The following FAM153A variants were observed in gnomAD, a reference collection of about 807,000 sequenced individuals.
The protein encoded by FAM153A is family with sequence similarity 153 member A.
FAM153A carries 12 observed loss-of-function variants against 48.1 expected under a neutral mutation model. The ratio of observed to expected loss-of-function variants is 0.25; its 90% confidence interval spans 0.16 to 0.40. The LOEUF (loss-of-function observed/expected upper bound fraction) is 0.40, where lower values mean the gene tolerates loss of function less well. Ranked by LOEUF, FAM153A falls within the 10% of genes least tolerant of loss-of-function variation. The pLI is 1.00. For missense variants in FAM153A, 111 were observed against 345.8 expected, an observed-to-expected ratio of 0.32 and a Z score of 5.38; for synonymous variants, 36 against 118.2, an observed-to-expected ratio of 0.30 and a Z score of 4.51.
downstream of FAM153A, chr5:177,706,941 C>T (rs1475335915): frequency 6.6e-6 from 1 of 151,716 alleles, no homozygotes; most frequent in Non-Finnish European, 1.5e-5. Context: ...CAAAAAAGCA[C>T]AAAAATAGAA....
chr5:177,755,979 A>T (rs534447638), upstream of FAM153A, among the ~76,000 whole-genome samples: 89 of 150,974 alleles, frequency 5.9e-4, 1 homozygote, highest in African/African-American at 2.1e-3. Flanking sequence ...AAATTCACAC[A>T]TAACAATATT....
At chr5:177,749,617 A>G (rs1766556169) in intron 2 of FAM153A, among the ~76,000 whole-genome samples, 1 of 94,602 alleles carries the variant, frequency 1.1e-5, no homozygotes, top group Admixed American at 1.1e-4. Flanking sequence ...CAGGAAGCAC[A>G]GCAGCCTTTG....
chr5:177,704,579 CTGTT>C (rs1296919486), downstream of FAM153A, among the ~76,000 whole-genome samples: 2 of 150,370 alleles, frequency 1.3e-5, no homozygotes, highest in Admixed American at 6.6e-5. Context: ...GGCGGTTTCT[CTGTT>C]TGAGGTCGGG....
downstream of FAM153A, among the ~76,000 whole-genome samples, chr5:177,705,663 T>C (rs182186125): frequency 2.9e-3 from 294 of 103,060 alleles, 5 homozygotes; most frequent in African/African-American, 8.2e-3. Flanking sequence ...TTTTTCTTTT[T>C]TTTTTTTTTT....
the FAM153A span, among the ~76,000 whole-genome samples, chr5:177,695,465 ACG>A: frequency 6.6e-6 from 1 of 152,012 alleles, no homozygotes; most frequent in Non-Finnish European, 1.5e-5. Flanking sequence ...ATGACACTTA[ACG>A]AGCATGCTGC....
upstream of FAM153A, among the ~76,000 whole-genome samples, chr5:177,754,094 A>G (rs1046073495): frequency 2.6e-5 from 4 of 151,758 alleles, no homozygotes; most frequent in Admixed American, 2.6e-4. Flanking sequence ...TAGCCAAGGA[A>G]AGGGATGACA....
chr5:177,772,241 A>T lies in FAM153A; in HGVS notation c.-57+8208T>A, dbSNP rs1245160363. ...AACTGATTAAAGCCATAAAAGAAAT[A>T]AGTGGGGGGAGGAGCCAAGATGGCC... On this transcript the variant is annotated intron_variant, in intron 1 of 8. Transcript: ENST00000393518. Among the ~76,000 whole-genome samples, 7 of 96,680 alleles carry T rather than the reference A, an allele frequency of 7.2e-5. 3 individuals are homozygous for T. Among genetic ancestry groups the T allele is most frequent in the Admixed American group, 2.1e-4 (2 of 9,530 alleles). 63.4% of individuals were successfully genotyped at this position (96,680 alleles called of 152,430 possible).
At chr5:177,703,176 A>G (rs1436892209), downstream of FAM153A, among the ~76,000 whole-genome samples, 3 of 152,162 alleles carry the variant, frequency 2.0e-5, no homozygotes, top group Admixed American at 2.0e-4. Flanking sequence ...TGAGCCTTGC[A>G]AAGCCACAGG....
At chr5:177,776,528 TA>T in intron 1 of FAM153A, among the ~76,000 whole-genome samples, 1 of 74,514 alleles carries the variant, frequency 1.3e-5, no homozygotes. Flanking sequence ...TCAAAGAGAA[TA>T]AAATACCTAG....
upstream of FAM153A, chr5:177,783,097 G>T (rs1265608281): frequency 1.0e-5 from 1 of 100,148 alleles, no homozygotes; most frequent in Non-Finnish European, 2.1e-5. Context: ...CTGACGCTCT[G>T]GCCCTGGGGG....
chr5:177,754,231 G>C (rs187659795), upstream of FAM153A, among the ~76,000 whole-genome samples: 1 of 151,984 alleles, frequency 6.6e-6, no homozygotes, highest in African/African-American at 2.4e-5. Flanking sequence ...ATGGAGCCTC[G>C]CTCATTGCTA....
At chr5:177,697,325 G>A in the FAM153A span, among the ~76,000 whole-genome samples, 5 of 151,868 alleles carry the variant, frequency 3.3e-5, no homozygotes, top group South Asian at 4.2e-4. Context: ...CTGGAATTAC[G>A]TATATCCTAC....
At chr5:177,717,116 G>A (rs1257453363) in intron 24 of FAM153A, 1 of 147,430 alleles carries the variant, frequency 6.8e-6, no homozygotes, top group African/African-American at 2.6e-5. Flanking sequence ...TAAAAGTAAA[G>A]TCAAAGGTAG....
At chr5:177,738,905 C>T (rs1252528420) in intron 10 of FAM153A, among the ~76,000 whole-genome samples, 3 of 151,046 alleles carry the variant, frequency 2.0e-5, no homozygotes, top group African/African-American at 7.4e-5. Flanking sequence ...GCACCTCATT[C>T]GATTTCATAG....
chr5:177,696,520 G>A, the FAM153A span, among the ~76,000 whole-genome samples: 2,099 of 151,652 alleles, frequency 0.014, 98 homozygotes, highest in African/African-American at 0.049. Flanking sequence ...GTCCCACACC[G>A]TTTGTTGAAA....
At chr5:177,709,122 AAAAAAAAAAAGAAAG>A (rs1758135865), downstream of FAM153A, among the ~76,000 whole-genome samples, 2 of 141,290 alleles carry the variant, frequency 1.4e-5, no homozygotes, top group African/African-American at 2.8e-5. Flanking sequence ...AAAAAAAAAA[AAAAAAAAAAAGAAAG>A]AAAAGCCTAG....
rs753394755 is a variant in FAM153A at position 177,739,141 on chromosome 5, C to T, written c.538-4G>A. 6.0e-5 allele frequency: 96 copies of T among 1,612,598 alleles called. No homozygotes were observed. The highest frequency in any genetic ancestry group is 5.0e-4 in the Middle Eastern group (3 of 6,060). On this transcript the variant is annotated splice_polypyrimidine_tract_variant and splice_region_variant and intron_variant, in intron 9 of 20. Transcript: ENST00000614127. The stretch of plus-strand genomic sequence containing the variant: ...TGGTTTGGGTGCCTGCGTCTGCCTG[C>T]GTTTAGAGAAAGAAAAACACCATGA...
At chr5:177,781,919 C>T (rs1265800094), upstream of FAM153A, among the ~76,000 whole-genome samples, 3 of 85,488 alleles carry the variant, frequency 3.5e-5, no homozygotes, top group Non-Finnish European at 4.8e-5. Context: ...TTAGTAGAGA[C>T]GGGGTTTCAC....
the FAM153A span, among the ~76,000 whole-genome samples, chr5:177,702,531 CGTAAAAAGGTGCCAA>C: frequency 6.6e-6 from 1 of 151,842 alleles, no homozygotes; most frequent in Non-Finnish European, 1.5e-5. Context: ...AATTTGCATA[CGTAAAAAGGTGCCAA>C]GTGCTAATAG....
Sources: gnomAD v4.1 joint callset for allele counts (sites outside exome capture counted in the v4.1 genomes callset) on GRCh38, gnomAD v4.1.1 for gene constraint, MANE v1.5 for transcripts, NCBI Gene and HGNC (gene_info 2026-07-23, HGNC 2026-07-21) for gene names.